The following ITPR2 variants were observed in gnomAD, a reference collection of about 807,000 sequenced individuals.
ITPR2 encodes inositol 1,4,5-trisphosphate receptor type 2, also known as inositol 1,4,5-trisphosphate-gated calcium channel ITPR2.
Under a neutral mutation model 317.1 loss-of-function variants are expected in ITPR2, and 207 were observed. The ratio of observed to expected loss-of-function variants is 0.65; its 90% CI spans 0.58 to 0.73. ITPR2 has a LOEUF of 0.73. Among genes scored for constraint, ITPR2 ranks in the 30% least tolerant of loss-of-function variants. The pLI, the probability that ITPR2 is intolerant of heterozygous loss-of-function variation, is 0.00. For missense variants in ITPR2, 2,613 were observed against 3,284.0 expected (o/e 0.80, Z 4.99); for synonymous variants, 1,156 against 1,149.1 (o/e 1.01, Z -0.12).
At chr12:26,627,828 G>A (rs1282910198) in intron 23 of ITPR2, among the ~76,000 whole-genome samples, 2 of 151,986 alleles carry the variant, frequency 1.3e-5, no homozygotes, top group Non-Finnish European at 2.9e-5. Context: ...TGTAGATGAC[G>A]GGTTGATGGG....
chr12:26,766,441 G>T (rs527294003), intron 2 of ITPR2, among the ~76,000 whole-genome samples: 4 of 151,730 alleles, frequency 2.6e-5, no homozygotes, highest in Non-Finnish European at 5.9e-5. Context: ...TATCTATTCA[G>T]ATCCTCTGTC....
At chr12:26,396,554 T>C (rs1940004772) in intron 54 of ITPR2, among the ~76,000 whole-genome samples, 1 of 152,162 alleles carries the variant, frequency 6.6e-6, no homozygotes, top group Admixed American at 6.5e-5. Flanking sequence ...GTGCTCCTCT[T>C]TCTCTCCTAA....
chr12:26,385,966 G>A (rs1939653865), intron 55 of ITPR2, among the ~76,000 whole-genome samples: 1 of 152,030 alleles, frequency 6.6e-6, no homozygotes, highest in East Asian at 1.9e-4. Flanking sequence ...TGGCAGAGGG[G>A]AAATATATCA....
At chr12:26,487,957 A>G (rs1942710001) in intron 39 of ITPR2, among the ~76,000 whole-genome samples, 1 of 152,192 alleles carries the variant, frequency 6.6e-6, no homozygotes, top group South Asian at 2.1e-4. Context: ...TGATGTAGAA[A>G]TGGTTCAGAA....
chr12:26,379,296 G>A (rs1290662801), intron 55 of ITPR2, among the ~76,000 whole-genome samples: 1 of 152,108 alleles, frequency 6.6e-6, no homozygotes, highest in Non-Finnish European at 1.5e-5. Flanking sequence ...CATAGCACAG[G>A]CACTTATCTA....
At chr12:26,621,851 C>T (rs568981084) in intron 25 of ITPR2, among the ~76,000 whole-genome samples, 16 of 152,112 alleles carry the variant, frequency 1.1e-4, no homozygotes, top group African/African-American at 2.4e-4. Context: ...CATAACAGTT[C>T]GTTTTTTTGG....
At chr12:26,419,361 A>T in intron 49 of ITPR2, 148 bp from the exon 50 acceptor site, 1 of 666,350 alleles carries the variant, frequency 1.5e-6, no homozygotes, top group Admixed American at 3.2e-5. Flanking sequence ...GATGAAAACT[A>T]TTATTCATAA....
At chr12:26,802,552 T>G (rs28551657) in intron 1 of ITPR2, among the ~76,000 whole-genome samples, 3 of 146,076 alleles carry the variant, frequency 2.1e-5, no homozygotes, top group African/African-American at 7.5e-5. Context: ...AGGAGATATA[T>G]ATATATCTAT....
chr12:26,750,028 C>A (rs1431354750), intron 2 of ITPR2, among the ~76,000 whole-genome samples: 1 of 152,178 alleles, frequency 6.6e-6, no homozygotes, highest in African/African-American at 2.4e-5. Flanking sequence ...CTTTCTAGAG[C>A]ACCTGGTGCA....
At position 26,695,660 on chromosome 12, in the gene ITPR2, C is replaced by T; in HGVS notation, c.952-10G>A. 6.2e-7 allele frequency: 1 copy of T among 1,609,476 alleles called. No individual in the cohort carries two copies. The highest frequency in any genetic ancestry group is 8.5e-7 in the Non-Finnish European group (1 of 1,176,348). Reference sequence around the variant, plus strand: ...GATAATCAGGATTAAGCTAGAAAAACAAAGGAAAATTTAGTTTTTCATTGC... The same window carrying T: ...GATAATCAGGATTAAGCTAGAAAAATAAAGGAAAATTTAGTTTTTCATTGC... On this transcript the variant is annotated splice_polypyrimidine_tract_variant and intron_variant, in intron 9 of 56. Coordinates refer to ENST00000381340, the MANE Select transcript of ITPR2 (RefSeq NM_002223.4).
At chr12:26,772,514 AATACAT>A (rs1205912668) in intron 2 of ITPR2, among the ~76,000 whole-genome samples, 4 of 107,080 alleles carry the variant, frequency 3.7e-5, no homozygotes, top group Non-Finnish European at 6.6e-5. Flanking sequence ...TATTATATAT[AATACAT>A]TATTATATAT....
At position 26,728,480 on chromosome 12, in the gene ITPR2, A is replaced by G. The variant is rs142426228; in HGVS notation, c.164-2715T>C. Among the ~76,000 whole-genome samples, 560 of 152,286 alleles carry G rather than the reference A, an allele frequency of 3.7e-3. 1 individual carries two copies. The highest frequency in any genetic ancestry group is 6.1e-3 in the Non-Finnish European group (417 of 68,020). ...GACATCTCATTTTATATTACAGTAA[A>G]TAATTGATCTGTTTCTGCATGGGAA... On this transcript the variant is annotated intron_variant, in intron 2 of 56. Coordinates refer to ENST00000381340, the MANE Select transcript of ITPR2 (RefSeq NM_002223.4).
chr12:26,636,012 T>C (rs1393993888), intron 21 of ITPR2, among the ~76,000 whole-genome samples: 1 of 152,238 alleles, frequency 6.6e-6, no homozygotes, highest in Non-Finnish European at 1.5e-5. Context: ...CAATTTTATC[T>C]AACCAGCAGT....
At chr12:26,518,918 G>A (rs536045317) in intron 37 of ITPR2, among the ~76,000 whole-genome samples, 28 of 152,066 alleles carry the variant, frequency 1.8e-4, no homozygotes, top group Middle Eastern at 3.4e-3. Context: ...TCAACTACAC[G>A]TAAACTTTTT....
rs570570418 is a variant in ITPR2, at chr12:26,462,758, G to A, written c.6342+12538C>T. On this transcript the variant is annotated intron_variant, in intron 45 of 56. Coordinates refer to ENST00000381340, the MANE Select transcript of ITPR2 (RefSeq NM_002223.4). ...GCCATCCCAGCTCACGGCAACCTCC[G>A]CCTCCCGGGTTCAAGCAATTCTCCT... 9.3e-4 allele frequency among the ~76,000 whole-genome samples: 139 copies of A among 148,802 alleles called. 1 individual carries two copies. The highest frequency in any genetic ancestry group is 1.4e-3 in the Non-Finnish European group (94 of 67,522).
chr12:26,395,319 G>A (rs947092026), intron 54 of ITPR2, among the ~76,000 whole-genome samples: 5 of 152,240 alleles, frequency 3.3e-5, no homozygotes, highest in Non-Finnish European at 5.9e-5. Context: ...ACTTCAATTT[G>A]TTGATGACAG....
chr12:26,649,782 T>C (rs1423610906), intron 21 of ITPR2, among the ~76,000 whole-genome samples: 1 of 86,210 alleles, frequency 1.2e-5, no homozygotes, highest in African/African-American at 4.5e-5. Context: ...ACTAGATAGA[T>C]AGATAGATAG....
At chr12:26,455,921 T>G (rs181043132) in intron 45 of ITPR2, among the ~76,000 whole-genome samples, 1 of 152,350 alleles carries the variant, frequency 6.6e-6, no homozygotes, top group African/African-American at 2.4e-5. Context: ...AAGTGCTTTA[T>G]ATGCAATATT....
At chr12:26,384,404 T>C (rs1421758428) in intron 55 of ITPR2, among the ~76,000 whole-genome samples, 1 of 152,162 alleles carries the variant, frequency 6.6e-6, no homozygotes, top group Non-Finnish European at 1.5e-5. Context: ...TCCTGGCCAT[T>C]AAAATTCAGG....
Sources: allele counts gnomAD v4.1 joint callset (sites outside exome capture counted in the v4.1 genomes callset), GRCh38; gene constraint gnomAD v4.1.1; transcripts MANE v1.5; gene names NCBI Gene and HGNC (gene_info 2026-07-23, HGNC 2026-07-21).